SORCS3: variants seen among roughly 807,000 people sequenced by gnomAD.
SORCS3 encodes the protein sortilin related VPS10 domain containing receptor 3.
SORCS3 carries 57 observed loss-of-function variants against 146.3 expected under a neutral mutation model. The observed-to-expected ratio is 0.39, with a 90% CI of 0.31 to 0.49. The LOEUF (loss-of-function observed/expected upper bound fraction) is 0.49. SORCS3 is among the 20% of genes least tolerant of loss of function. SORCS3 has a pLI of 0.92. For missense variants in SORCS3, 1,341 were observed against 1,575.5 expected (o/e 0.85, Z 2.52); for synonymous variants, 653 against 618.5 (o/e 1.06, Z -0.83).
intron 14 of SORCS3, among the ~76,000 whole-genome samples, chr10:105,187,414 C>T (rs752536394): frequency 1.3e-5 from 2 of 152,108 alleles, no homozygotes; most frequent in Non-Finnish European, 2.9e-5. Context: ...CCTCCTTTAC[C>T]ACTAATCCCA....
At chr10:104,890,784 C>T (rs959570190) in intron 2 of SORCS3, among the ~76,000 whole-genome samples, 12 of 152,196 alleles carry the variant, frequency 7.9e-5, no homozygotes, top group Non-Finnish European at 1.8e-4. Context: ...GAATTCCTGT[C>T]CTCCACCTAC....
intron 1 of SORCS3, among the ~76,000 whole-genome samples, chr10:104,694,071 C>T (rs1244862599): frequency 6.6e-6 from 1 of 151,380 alleles, no homozygotes; most frequent in African/African-American, 2.4e-5. Flanking sequence ...CCTTGATTTG[C>T]GTGGTTGTTA....
At chr10:105,202,931 G>A (rs899916553) in intron 16 of SORCS3, among the ~76,000 whole-genome samples, 1 of 152,144 alleles carries the variant, frequency 6.6e-6, no homozygotes, top group Admixed American at 6.5e-5. Context: ...AACTTGGGAG[G>A]GGCAGGGCAA....
chr10:104,944,229 G>C (rs556810793), intron 3 of SORCS3, among the ~76,000 whole-genome samples: 1 of 152,288 alleles, frequency 6.6e-6, no homozygotes, highest in South Asian at 2.1e-4. Flanking sequence ...CTGGATTGCA[G>C]ATATGACTAT....
intron 1 of SORCS3, among the ~76,000 whole-genome samples, chr10:104,781,637 A>G (rs938984414): frequency 6.6e-6 from 1 of 152,244 alleles, no homozygotes; most frequent in African/African-American, 2.4e-5. Context: ...AAAAAATGAT[A>G]ATAGAAAGCT....
intron 4 of SORCS3, among the ~76,000 whole-genome samples, chr10:105,001,523 G>A (rs370954899): frequency 6.6e-6 from 1 of 152,142 alleles, no homozygotes; most frequent in South Asian, 2.1e-4. Flanking sequence ...TTTTTTGATG[G>A]TGATGTTGAT....
intron 9 of SORCS3, among the ~76,000 whole-genome samples, chr10:105,149,322 G>C (rs1032645735): frequency 1.3e-5 from 2 of 152,148 alleles, no homozygotes; most frequent in African/African-American, 4.8e-5. Context: ...TCATTCGGTA[G>C]AAAACAAAAT....
intron 1 of SORCS3, among the ~76,000 whole-genome samples, chr10:104,717,623 A>G (rs1173281647): frequency 6.6e-6 from 1 of 152,204 alleles, no homozygotes; most frequent in Admixed American, 6.5e-5. Context: ...AGTGACAAGT[A>G]GGAGACCTCT....
At chr10:104,894,718 T>C (rs1460459491) in intron 2 of SORCS3, among the ~76,000 whole-genome samples, 1 of 152,168 alleles carries the variant, frequency 6.6e-6, no homozygotes, top group Non-Finnish European at 1.5e-5. Context: ...ATGATTCGAA[T>C]GTTTTGGACC....
At chr10:105,191,047 T>C (rs2056514125) in intron 14 of SORCS3, among the ~76,000 whole-genome samples, 2 of 152,236 alleles carry the variant, frequency 1.3e-5, no homozygotes, top group South Asian at 4.1e-4. Context: ...GGCCATCTAA[T>C]ATGAACACTT....
At chr10:104,709,190 G>C (rs115855096) in intron 1 of SORCS3, among the ~76,000 whole-genome samples, 2,624 of 152,272 alleles carry the variant, frequency 0.017, 68 homozygotes, top group African/African-American at 0.059. Context: ...GGTAGAGAGG[G>C]AGTTGGAAAT....
intron 3 of SORCS3, among the ~76,000 whole-genome samples, chr10:104,928,584 G>GC (rs1422161842): frequency 6.6e-6 from 1 of 150,958 alleles, no homozygotes; most frequent in Non-Finnish European, 1.5e-5. Context: ...ATGCCTCCTC[G>GC]CCCCCAGTTC....
chr10:104,735,086 G>C (rs2016752107), intron 1 of SORCS3, among the ~76,000 whole-genome samples: 1 of 152,124 alleles, frequency 6.6e-6, no homozygotes, highest in African/African-American at 2.4e-5. Flanking sequence ...GTAAATTCAA[G>C]AGTCAGTAAA....
chr10:104,847,107 G>A (rs2018214767), intron 2 of SORCS3, among the ~76,000 whole-genome samples: 1 of 152,172 alleles, frequency 6.6e-6, no homozygotes, highest in African/African-American at 2.4e-5. Context: ...AACTGCATAT[G>A]GTGCATGCTT....
chr10:104,757,368 C>G (rs2017066266), intron 1 of SORCS3, among the ~76,000 whole-genome samples: 1 of 152,208 alleles, frequency 6.6e-6, no homozygotes, highest in Non-Finnish European at 1.5e-5. Flanking sequence ...CTCAGTGCAT[C>G]CTGAGTCTCA....
At chr10:105,188,417 T>C (rs2056492511) in intron 14 of SORCS3, among the ~76,000 whole-genome samples, 1 of 152,278 alleles carries the variant, frequency 6.6e-6, no homozygotes, top group Admixed American at 6.5e-5. Flanking sequence ...GGGTCACTCT[T>C]ACTCTCCCTT....
intron 1 of SORCS3, among the ~76,000 whole-genome samples, chr10:104,713,102 A>G (rs1033442473): frequency 9.5e-5 from 14 of 146,938 alleles, no homozygotes; most frequent in Non-Finnish European, 8.9e-5. Context: ...GCAGTGCAAT[A>G]TACCAGCCTT....
chr10:105,068,998 T>C (rs1007510707), intron 5 of SORCS3, among the ~76,000 whole-genome samples: 2 of 152,190 alleles, frequency 1.3e-5, no homozygotes, highest in African/African-American at 4.8e-5. Context: ...TTTTCTTACA[T>C]GTGAACAGCA....
Position 105,245,708 on chromosome 10 carries a change from T to G in SORCS3, c.2992+43T>G, listed in dbSNP as rs1256737333. 2.5e-6 allele frequency: 4 copies of G among 1,601,760 alleles called. No homozygotes were observed. The South Asian group carries it at 4.5e-5, about 18-fold the overall frequency. Reference sequence around the variant, plus strand: ...TTCTGTGATGCTCCTTCCCGCTCAGTTAATCTCCTGTGTCCACTCTCCCTA... The same window carrying G: ...TTCTGTGATGCTCCTTCCCGCTCAGGTAATCTCCTGTGTCCACTCTCCCTA... On this transcript the variant is annotated intron_variant, in intron 21 of 26. Coordinates refer to ENST00000369701, the MANE Select transcript of SORCS3 (RefSeq NM_014978.3).
Sources: allele counts gnomAD v4.1 joint callset (sites outside exome capture counted in the v4.1 genomes callset), GRCh38; gene constraint gnomAD v4.1.1; transcripts MANE v1.5; gene names NCBI Gene and HGNC (gene_info 2026-07-23, HGNC 2026-07-21).